The following SYN2 variants were observed in gnomAD, a reference collection of about 807,000 sequenced individuals.
The protein encoded by SYN2 is synapsin II, also known as synapsin-2.
In SYN2, 19 loss-of-function variants were observed where a neutral mutation model predicts 50.9. The observed-to-expected ratio is 0.37, with a 90% CI of 0.26 to 0.55. The LOEUF (loss-of-function observed/expected upper bound fraction) is 0.55. SYN2 is among the 20% of genes least tolerant of loss of function. The probability of loss-of-function intolerance (pLI) is 0.81; values close to 1 mark genes in which losing one functional copy is unlikely to be tolerated. For synonymous variants in SYN2, 255 were observed against 224.9 expected, an observed-to-expected ratio of 1.13 and a Z score of -1.20; for missense variants, 587 against 576.4, an observed-to-expected ratio of 1.02 and a Z score of -0.19.
intron 4 of SYN2, among the ~76,000 whole-genome samples, chr3:12,148,252 C>A (rs1437855207): frequency 6.6e-6 from 1 of 152,234 alleles, no homozygotes; most frequent in Non-Finnish European, 1.5e-5. Context: ...CACACTCTCA[C>A]CCATTCACAA....
intron 10 of SYN2, among the ~76,000 whole-genome samples, chr3:12,170,482 C>T (rs756075902): frequency 6.6e-6 from 1 of 152,232 alleles, no homozygotes; most frequent in Non-Finnish European, 1.5e-5. Context: ...GCCAATCACA[C>T]TCATGGCAAC....
intron 1 of SYN2, among the ~76,000 whole-genome samples, chr3:12,127,510 T>C: frequency 6.6e-6 from 1 of 152,212 alleles, no homozygotes. Context: ...CTCAAGTGCA[T>C]CTGGGAACCT....
intron 1 of SYN2, among the ~76,000 whole-genome samples, chr3:12,109,604 C>G (rs1240339765): frequency 1.3e-5 from 2 of 152,126 alleles, no homozygotes; most frequent in Admixed American, 6.6e-5. Context: ...TTTCATCTTT[C>G]CTTCCTTCCC....
At chr3:12,186,554 A>G (rs1412305113) in intron 11 of SYN2, among the ~76,000 whole-genome samples, 1 of 152,194 alleles carries the variant, frequency 6.6e-6, no homozygotes, top group Non-Finnish European at 1.5e-5. Context: ...CACATGGCTG[A>G]GAGGTTCATC....
intron 1 of SYN2, among the ~76,000 whole-genome samples, chr3:12,097,234 G>A (rs1017749687): frequency 1.3e-5 from 2 of 152,166 alleles, no homozygotes; most frequent in East Asian, 3.9e-4. Flanking sequence ...GTTTATTGCG[G>A]CACTATTCAC....
chr3:12,115,877 T>TC (rs1403774119), intron 1 of SYN2, among the ~76,000 whole-genome samples: 9 of 152,344 alleles, frequency 5.9e-5, no homozygotes, highest in South Asian at 4.1e-4. Context: ...ATTGTTCATC[T>TC]CTGTACACCC....
chr3:12,034,727 C>T (rs1449547056), intron 1 of SYN2, among the ~76,000 whole-genome samples: 1 of 152,154 alleles, frequency 6.6e-6, no homozygotes, highest in Non-Finnish European at 1.5e-5. Flanking sequence ...TGTCCATTCA[C>T]GAAGGCAGAG....
At chr3:12,078,361 A>G (rs1021518283) in intron 1 of SYN2, among the ~76,000 whole-genome samples, 1 of 149,638 alleles carries the variant, frequency 6.7e-6, no homozygotes, top group Non-Finnish European at 1.5e-5. Flanking sequence ...AATTGCTTTC[A>G]TCATGACATC....
At chr3:12,131,853 T>C (rs1696801954) in intron 1 of SYN2, among the ~76,000 whole-genome samples, 1 of 152,170 alleles carries the variant, frequency 6.6e-6, no homozygotes, top group African/African-American at 2.4e-5. Context: ...AGATCTCATC[T>C]GCCACATAAG....
intron 1 of SYN2, among the ~76,000 whole-genome samples, chr3:12,121,348 G>A (rs1393656171): frequency 6.6e-6 from 1 of 152,140 alleles, no homozygotes; most frequent in Admixed American, 6.5e-5. Flanking sequence ...CTCACTTATG[G>A]TGGATGTTTA....
chr3:12,067,016 G>A (rs1359046064), intron 1 of SYN2, among the ~76,000 whole-genome samples: 1 of 152,066 alleles, frequency 6.6e-6, no homozygotes, highest in Non-Finnish European at 1.5e-5. Context: ...TAAACTATCA[G>A]ATCTCATGAG....
At chr3:12,086,285 G>GA (rs1695700177) in intron 1 of SYN2, among the ~76,000 whole-genome samples, 1 of 152,060 alleles carries the variant, frequency 6.6e-6, no homozygotes, top group Non-Finnish European at 1.5e-5. Flanking sequence ...GATTCTACCA[G>GA]ATATTTAAAG....
At chr3:12,065,827 C>G (rs1357365034) in intron 1 of SYN2, among the ~76,000 whole-genome samples, 1 of 152,162 alleles carries the variant, frequency 6.6e-6, no homozygotes, top group East Asian at 1.9e-4. Flanking sequence ...TGTAACAAAC[C>G]TGCACATGTA....
chr3:12,144,620 A>AGT (rs1355365003), intron 3 of SYN2, among the ~76,000 whole-genome samples: 4 of 152,206 alleles, frequency 2.6e-5, no homozygotes, highest in Non-Finnish European at 5.9e-5. Flanking sequence ...AGAGTCTAAA[A>AGT]GTGTTTCTTC....
At chr3:12,077,397 T>G (rs1456414324) in intron 1 of SYN2, among the ~76,000 whole-genome samples, 2 of 152,142 alleles carry the variant, frequency 1.3e-5, no homozygotes, top group Non-Finnish European at 2.9e-5. Context: ...CATGGTAGTT[T>G]GCCGCACCTA....
intron 5 of SYN2, chr3:12,154,264 A>G (rs1427915198): frequency 5.6e-6 from 9 of 1,608,024 alleles, no homozygotes; most frequent in African/African-American, 4.0e-5. Flanking sequence ...AAATTCATGC[A>G]TGAATGAAGG....
chr3:12,099,780 C>T (rs558671334), intron 1 of SYN2, among the ~76,000 whole-genome samples: 26 of 151,842 alleles, frequency 1.7e-4, no homozygotes, highest in African/African-American at 5.1e-4. Context: ...CTGGCTAACA[C>T]GGTGAAACCC....
At chr3:12,041,632 G>A (rs146502631) in intron 1 of SYN2, among the ~76,000 whole-genome samples, 92 of 152,232 alleles carry the variant, frequency 6.0e-4, no homozygotes, top group East Asian at 2.7e-3. Flanking sequence ...CTTCTAGTTC[G>A]TGTCCTTGCC....
Position 12,141,991 on chromosome 3 carries a change from T to G in SYN2, c.522T>G (p.Val174=), listed in dbSNP as rs1196840705. The part of the protein sequence containing the change: ...DMQVLRNGTK[V]VRSFRPDFVL... The stretch of plus-strand genomic sequence containing the variant: ...AGGTTCTCCGGAATGGCACAAAGGT[T>G]GTCCGGTAAGGGTCTTTCTGTCCTC... Residue 174 remains valine, a synonymous_variant, in exon 3 of 13, where the codon GTT becomes GTG. Coordinates refer to ENST00000621198, the MANE Select transcript of SYN2 (RefSeq NM_133625.6). The G allele has an allele frequency of 2.6e-6, 2 of 780,834 alleles. No individual in the cohort carries two copies. Among genetic ancestry groups the G allele is most frequent in the Non-Finnish European group, 4.8e-6 (2 of 417,942 alleles). The allele number at this position is 780,834 out of a possible 1,614,324, so 48.4% of individuals were successfully genotyped here. A position where few individuals can be genotyped will look rare whatever the true frequency, so the allele number is the denominator to read the frequency against.
Sources: gnomAD v4.1 joint callset for allele counts (sites outside exome capture counted in the v4.1 genomes callset) on GRCh38, gnomAD v4.1.1 for gene constraint, MANE v1.5 for transcripts, NCBI Gene and HGNC (gene_info 2026-07-23, HGNC 2026-07-21) for gene names.